Variants in PEX26 observed in about 807,000 individuals in gnomAD.
The protein encoded by PEX26 is peroxisome assembly protein 26.
In PEX26, 18 loss-of-function variants were observed where a neutral mutation model predicts 31.4. That is an observed-to-expected ratio of 0.57 (90% confidence interval 0.40 to 0.85). The LOEUF (loss-of-function observed/expected upper bound fraction) is 0.85. PEX26 is among the 40% of genes least tolerant of loss of function. The pLI is 0.00. For synonymous variants in PEX26, 176 were observed against 166.9 expected, an observed-to-expected ratio of 1.05 and a Z score of -0.42; for missense variants, 377 against 383.9, an observed-to-expected ratio of 0.98 and a Z score of 0.15.
In PEX26 at chr22:18,078,527, T is replaced by G; in HGVS notation, c.151T>G (p.Phe51Val). ...CGACCTCCTGGTGGTGCACCTGGACTTCCGGGCGGCGCTGGAGACCTGCGA... is the reference window on the plus strand; with the variant it reads ...CGACCTCCTGGTGGTGCACCTGGACGTCCGGGCGGCGCTGGAGACCTGCGA... ...AADLLVVHLD[F>V]RAALETCERA... The change falls in exon 1 of 5, where the codon TTC becomes GTC. Residue 51 changes from phenylalanine (F) to valine (V), a missense_variant. Phe to Val is a conservative substitution (Grantham distance 50). Coordinates refer to ENST00000399744, the MANE Select transcript of PEX26 (RefSeq NM_001127649.3). 1 of 1,577,030 alleles carries G rather than the reference T, an allele frequency of 6.3e-7. No individual in the cohort carries two copies. The highest frequency in any genetic ancestry group is 8.6e-7 in the Non-Finnish European group (1 of 1,164,480).
rs760272073 is a variant in PEX26, at chr22:18,088,133, C to T, written c.*58C>T. On this transcript the variant is annotated 3_prime_UTR_variant, in exon 5 of 5. Transcript: ENST00000399744. The surrounding 1 kb of genome is among the most constrained non-coding windows in gnomAD (Gnocchi z 4.1). ...CACGTCCGTGGCCACAGAAGCAGAG[C>T]GACAGAGCGACACATCCACAGGCGC... The T allele has an allele frequency of 1.7e-5, 19 of 1,125,948 alleles. No homozygotes were observed. The highest frequency in any genetic ancestry group is 2.4e-5 in the Non-Finnish European group (18 of 741,116). The allele number at this position is 1,125,948 out of a possible 1,614,324, so 69.7% of individuals were successfully genotyped here. A position where few individuals can be genotyped will look rare whatever the true frequency, so the allele number is the denominator to read the frequency against.
At chr22:18,078,651 T>C (rs1389629609) in intron 1 of PEX26, 45 bp downstream of exon 1, 1 of 1,530,132 alleles carries the variant, frequency 6.5e-7, no homozygotes, top group Admixed American at 1.8e-5. Flanking sequence ...GGCGCTCTTG[T>C]GGTGGGGCTC....
In PEX26 at chr22:18,081,243, T is replaced by TACACACACAC. The variant is rs1221829469; in HGVS notation, c.371+1230_371+1231insCACACACACA. Among the ~76,000 whole-genome samples, 494 of 62,428 alleles carry TACACACACAC rather than the reference T, an allele frequency of 7.9e-3. 3 individuals carry two copies. The highest frequency in any genetic ancestry group is 0.062 in the East Asian group (115 of 1,848). The allele number at this position is 62,428 out of a possible 152,430, so 41.0% of individuals were successfully genotyped here. A position where few individuals can be genotyped will look rare whatever the true frequency, so the allele number is the denominator to read the frequency against. On this transcript the variant is annotated intron_variant, in intron 2 of 4. Coordinates refer to ENST00000399744, the MANE Select transcript of PEX26 (RefSeq NM_001127649.3). The stretch of plus-strand genomic sequence containing the variant: ...CACATAATATACATATATGTACACA[T>TACACACACAC]ATACACACACACACACACACACACA...
In PEX26 at chr22:18,083,658, C is replaced by T. The variant is rs754375470; in HGVS notation, c.593C>T (p.Ala198Val). The T allele has an allele frequency of 1.2e-6, 2 of 1,613,978 alleles. No homozygotes were observed. The highest frequency in any genetic ancestry group is 1.3e-5 in the African/African-American group (1 of 74,904). Residue 198 changes from alanine to valine, a missense_variant, in exon 3 of 5, where the codon GCC becomes GTC. Transcript: ENST00000399744. Reference protein sequence around the residue: ...GEERRLDVLQAIHTARQQQKQ... With the variant: ...GEERRLDVLQVIHTARQQQKQ... ...GAGCGGCGACTGGATGTACTTCAGG[C>T]CATTCACACAGCGAGGCAGCAGCAG...
In PEX26 at chr22:18,093,504, A is replaced by G. The variant is rs1927186977; in HGVS notation, c.*5429A>G. The G allele has an allele frequency of 6.6e-6, 1 of 151,746 alleles. No individual in the cohort carries two copies. The highest frequency in any genetic ancestry group is 6.6e-5 in the Admixed American group (1 of 15,226). 9.4% of individuals were successfully genotyped at this position (151,746 alleles called of 1,614,324 possible). On this transcript the variant is annotated 3_prime_UTR_variant, in exon 5 of 5. Transcript: ENST00000399744. ...CGTGAACCCAGGAGGCGGAGCTTGC[A>G]GTGAGCCTAGATGGCGCCACTGCAC...
At position 18,105,104 on chromosome 22, in the gene PEX26, T is replaced by A. The variant is rs1466875279; in HGVS notation, c.*17029T>A. ...ATGAAGAGATCTTTCTTGTGTCTCA[T>A]CCTCTGGGCTCCCAGCCTCCCTCAA... On this transcript the variant is annotated 3_prime_UTR_variant, in exon 5 of 5. Transcript: ENST00000399744. 1.3e-5 allele frequency: 2 copies of A among 152,194 alleles called. No homozygotes were observed. The highest frequency in any genetic ancestry group is 2.1e-4 in the South Asian group (1 of 4,832). 9.4% of individuals were successfully genotyped at this position (152,194 alleles called of 1,614,324 possible).
intron 3 of PEX26, among the ~76,000 whole-genome samples, chr22:18,084,403 C>G (rs1926752172): frequency 6.6e-6 from 1 of 152,114 alleles, no homozygotes; most frequent in Non-Finnish European, 1.5e-5. Context: ...CGCCACCACA[C>G]CTGGCTAATT....
Position 18,094,566 on chromosome 22 carries a change from A to T in PEX26, c.*6491A>T, listed in dbSNP as rs1383859264. The T allele has an allele frequency of 6.6e-6, 1 of 152,104 alleles. No individual in the cohort carries two copies. The highest frequency in any genetic ancestry group is 1.5e-5 in the Non-Finnish European group (1 of 68,034). 9.4% of individuals were successfully genotyped at this position (152,104 alleles called of 1,614,324 possible). A position where few individuals can be genotyped will look rare whatever the true frequency, so the allele number is the denominator to read the frequency against. On this transcript the variant is annotated 3_prime_UTR_variant, in exon 5 of 5. Transcript: ENST00000399744. Reference sequence around the variant, plus strand: ...CATGGAGAAGTTTCTTAGGTGGAAAACCGATTTGTATGGTCCTCAGAATGT... The same window carrying T: ...CATGGAGAAGTTTCTTAGGTGGAAATCCGATTTGTATGGTCCTCAGAATGT...
chr22:18,083,639 C>A lies in PEX26; in HGVS notation c.574C>A (p.Arg192=). 2 of 1,613,992 alleles carry A rather than the reference C, an allele frequency of 1.2e-6. No individual in the cohort carries two copies. Among genetic ancestry groups the A allele is most frequent in the Non-Finnish European group, 1.7e-6 (2 of 1,180,002 alleles). Residue 192 remains arginine, a synonymous_variant, in exon 3 of 5, where the codon CGA becomes AGA. Transcript: ENST00000399744. The part of the protein sequence containing the change: ...VGSAAFGEER[R]LDVLQAIHTA... ...CTCTGCAGCCTTTGGTGAGGAGCGG[C>A]GACTGGATGTACTTCAGGCCATTCA... is the stretch of plus-strand genomic sequence containing the variant.
In PEX26 at chr22:18,089,665, G is replaced by A. The variant is rs5992169; in HGVS notation, c.*1590G>A. On this transcript the variant is annotated 3_prime_UTR_variant, in exon 5 of 5. Transcript: ENST00000399744. The stretch of plus-strand genomic sequence containing the variant: ...CTAGCTTTTCCTTGGTACATTTTCG[G>A]GGGTTGCAAGGCAACAAGTTTTCTT... 0.11 allele frequency: 16,245 copies of A among 154,144 alleles called. 1,090 individuals carry two copies. The highest frequency in any genetic ancestry group is 0.2 in the Admixed American group (2,982 of 15,272). 9.5% of individuals were successfully genotyped at this position (154,144 alleles called of 1,614,324 possible). A position where few individuals can be genotyped will look rare whatever the true frequency, so the allele number is the denominator to read the frequency against.
At chr22:18,080,075 T>C in intron 2 of PEX26, 61 bp downstream of exon 2, 1 of 1,550,402 alleles carries the variant, frequency 6.4e-7, no homozygotes, top group Non-Finnish European at 8.9e-7. Flanking sequence ...TCATCTCCTC[T>C]CCTAAATACC....
rs1258733313 is a variant in PEX26, at chr22:18,090,446, A to G, written c.*2371A>G. On this transcript the variant is annotated 3_prime_UTR_variant, in exon 5 of 5. Transcript: ENST00000399744. ...CTCGCACTGTTCCTACTGAAGGCCT[A>G]GCACCTGCTCTTGGCCTGGTGAGCC... 1 of 152,294 alleles carries G rather than the reference A, an allele frequency of 6.6e-6. No homozygotes were observed. Among genetic ancestry groups the G allele is most frequent in the Non-Finnish European group, 1.5e-5 (1 of 68,094 alleles). The allele number at this position is 152,294 out of a possible 1,614,324, so 9.4% of individuals were successfully genotyped here. A position where few individuals can be genotyped will look rare whatever the true frequency, so the allele number is the denominator to read the frequency against.
At chr22:18,084,402 A>G (rs992883352) in intron 3 of PEX26, among the ~76,000 whole-genome samples, 2 of 151,774 alleles carry the variant, frequency 1.3e-5, no homozygotes, top group Non-Finnish European at 2.9e-5. Flanking sequence ...CCGCCACCAC[A>G]CCTGGCTAAT....
At chr22:18,084,237 C>CTCT (rs1556589212) in intron 3 of PEX26, among the ~76,000 whole-genome samples, 22 of 95,326 alleles carry the variant, frequency 2.3e-4, no homozygotes, top group African/African-American at 3.9e-4. Context: ...ATCTCTCTCT[C>CTCT]TTTTTTTTTT....
In PEX26 at chr22:18,078,681, C is replaced by T. The variant is rs1234331194; in HGVS notation, c.230+75C>T. ...GGGCTCAAGGTCTCAGGAGTTCTGTCCTTCCCAGATTGCCCACAAGGAGCT... is the reference window on the plus strand; with the variant it reads ...GGGCTCAAGGTCTCAGGAGTTCTGTTCTTCCCAGATTGCCCACAAGGAGCT... On this transcript the variant is annotated intron_variant, in intron 1 of 4. Coordinates refer to ENST00000399744, the MANE Select transcript of PEX26 (RefSeq NM_001127649.3). 10 of 1,337,700 alleles carry T rather than the reference C, an allele frequency of 7.5e-6. No individual in the cohort carries two copies. The African/African-American group carries it at 1.0e-4, about 13-fold the overall frequency. The allele number at this position is 1,337,700 out of a possible 1,614,324, so 82.9% of individuals were successfully genotyped here.
chr22:18,082,068 T>TGG (rs1342870769), intron 2 of PEX26, among the ~76,000 whole-genome samples: 1 of 104,954 alleles, frequency 9.5e-6, no homozygotes, highest in Non-Finnish European at 2.4e-5. Flanking sequence ...TCAGGTTTTT[T>TGG]TTTTTTTTTT....
intron 1 of PEX26, 56 bp downstream of exon 1, chr22:18,078,662 A>C: frequency 2.0e-6 from 3 of 1,472,796 alleles, no homozygotes; most frequent in Non-Finnish European, 2.8e-6. Flanking sequence ...GGTGGGGCTC[A>C]AGGTCTCAGG....
intron 1 of PEX26, 103 bp from the exon 2 acceptor site, chr22:18,079,771 T>C: frequency 7.7e-7 from 1 of 1,297,678 alleles, no homozygotes; most frequent in Non-Finnish European, 1.1e-6. Context: ...AGAGAGATGA[T>C]GGCTGCTGAG....
At position 18,085,216 on chromosome 22, in the gene PEX26, G is replaced by A; in HGVS notation, c.772G>A (p.Ala258Thr). 2 of 1,614,088 alleles carry A rather than the reference G, an allele frequency of 1.2e-6. No individual in the cohort carries two copies. The highest frequency in any genetic ancestry group is 1.7e-6 in the Non-Finnish European group (2 of 1,179,988). Residue 258 changes from alanine to threonine, a missense_variant, in exon 4 of 5, where the codon GCT becomes ACT. By Grantham distance (58) the Ala-to-Thr change is moderately conservative. Transcript: ENST00000399744. ...FSLPFKKSLL[A>T]ALILCLLVVR... ...TCTGCCCTTCAAAAAGAGTCTCCTG[G>A]CTGCCTTGATCCTCTGTCTCCTGGT...
Sources: gnomAD v4.1 joint callset for allele counts (sites outside exome capture counted in the v4.1 genomes callset) on GRCh38, gnomAD v4.1.1 for gene constraint, Gnocchi (gnomAD v3.1) non-coding constraint, MANE v1.5 for transcripts, NCBI Gene and HGNC (gene_info 2026-07-23, HGNC 2026-07-21) for gene names.